Variants in NNT observed in about 807,000 individuals in gnomAD.
NNT encodes the protein NAD(P) transhydrogenase, mitochondrial.
In NNT, 50 loss-of-function variants were observed where a neutral mutation model predicts 104.8. The ratio of observed to expected loss-of-function variants is 0.48; its 90% CI spans 0.38 to 0.60. NNT has a LOEUF of 0.60. Ranked by LOEUF, NNT falls within the 20% of genes least tolerant of loss-of-function variation. The pLI is 0.00. For synonymous variants in NNT, 461 were observed against 490.4 expected, an observed-to-expected ratio of 0.94 and a Z score of 0.79; for missense variants, 1,131 against 1,330.7, an observed-to-expected ratio of 0.85 and a Z score of 2.33.
Position 43,649,177 on chromosome 5 carries a change from C to CGGG in NNT, c.1477_1478insGGG (p.Ala492_Ala493insGly), listed in dbSNP as rs1739617214. The CGGG allele has an allele frequency of 6.2e-7, 1 of 1,614,044 alleles. No homozygotes were observed. Among genetic ancestry groups the CGGG allele is most frequent in the South Asian group, 1.1e-5 (1 of 91,086 alleles). ...ACAGGGATACTGGGTTTGGGCATTG[C>CGGG]GGCTCCCAATCTAGCCTTTTCTCAG... is the stretch of plus-strand genomic sequence containing the variant. On this transcript the variant is annotated inframe_insertion, in exon 11 of 22. Transcript: ENST00000344920.
intron 17 of NNT, among the ~76,000 whole-genome samples, chr5:43,666,573 G>A (rs1242940064): frequency 6.6e-6 from 1 of 151,062 alleles, no homozygotes; most frequent in Non-Finnish European, 1.5e-5. Context: ...GCATCAGGGG[G>A]AGACCGAGCA....
At chr5:43,670,453 A>G (rs1740996494) in intron 17 of NNT, among the ~76,000 whole-genome samples, 1 of 152,114 alleles carries the variant, frequency 6.6e-6, no homozygotes, top group South Asian at 2.1e-4. Flanking sequence ...ACTGCTTTGA[A>G]TGTGTCCCAG....
At chr5:43,625,064 G>A (rs1750291125) in intron 6 of NNT, among the ~76,000 whole-genome samples, 1 of 152,112 alleles carries the variant, frequency 6.6e-6, no homozygotes, top group South Asian at 2.1e-4. Flanking sequence ...AAGTAACCAG[G>A]ACACAAACCA....
At chr5:43,642,442 G>A (rs1180415105) in intron 7 of NNT, among the ~76,000 whole-genome samples, 1 of 152,164 alleles carries the variant, frequency 6.6e-6, no homozygotes, top group East Asian at 1.9e-4. Context: ...ATTACAGTAC[G>A]GAGGGTAGAG....
At chr5:43,672,938 C>T (rs184062744) in intron 17 of NNT, among the ~76,000 whole-genome samples, 62 of 152,312 alleles carry the variant, frequency 4.1e-4, no homozygotes, top group East Asian at 1.2e-3. Flanking sequence ...CCACCCAGTT[C>T]GAGCTTCCCA....
intron 7 of NNT, among the ~76,000 whole-genome samples, chr5:43,643,931 AGATTC>A (rs1751367637): frequency 6.6e-6 from 1 of 152,176 alleles, no homozygotes; most frequent in Admixed American, 6.5e-5. Context: ...AGCAGTGCTG[AGATTC>A]TCATGCTGAG....
At chr5:43,671,618 C>G (rs35131992) in intron 17 of NNT, among the ~76,000 whole-genome samples, 5,138 of 152,300 alleles carry the variant, frequency 0.034, 135 homozygotes, top group East Asian at 0.12. Context: ...GGCCCCCACT[C>G]TCTTCTGGCT....
rs138840848 is a variant in NNT at position 43,692,640 on chromosome 5, C to T, written c.2877-7479C>T. Among the ~76,000 whole-genome samples, 1,042 of 152,134 alleles carry T rather than the reference C, an allele frequency of 6.8e-3. 10 individuals carry two copies. Among genetic ancestry groups the T allele is most frequent in the African/African-American group, 9.4e-3 (390 of 41,492 alleles). On this transcript the variant is annotated intron_variant, in intron 19 of 21. Transcript: ENST00000344920. ...AGCCTGGCCATGCTGATGATTTTTA[C>T]GGTACCAATCTTTATTATGATGATT...
At chr5:43,640,107 G>A (rs977130084) in intron 7 of NNT, among the ~76,000 whole-genome samples, 1 of 151,742 alleles carries the variant, frequency 6.6e-6, no homozygotes, top group Admixed American at 6.6e-5. Context: ...TACCTGATGT[G>A]CTCATTATTA....
intron 3 of NNT, chr5:43,613,482 G>A (rs991511425): frequency 5.5e-6 from 1 of 180,718 alleles, no homozygotes; most frequent in African/African-American, 2.4e-5. Flanking sequence ...TGGAAAGAAG[G>A]TATGGAACTT....
intron 7 of NNT, among the ~76,000 whole-genome samples, chr5:43,632,560 G>A (rs566208341): frequency 2.6e-5 from 4 of 152,264 alleles, no homozygotes; most frequent in Admixed American, 6.5e-5. Flanking sequence ...ATCTTAAACC[G>A]TCATCTCACC....
At chr5:43,666,633 A>ATT in intron 17 of NNT, 56 of 435,966 alleles carry the variant, frequency 1.3e-4, no homozygotes, top group Middle Eastern at 1.3e-3. Flanking sequence ...AGGGAGATCT[A>ATT]TTTTTTTTTT....
intron 17 of NNT, chr5:43,666,783 A>T: frequency 7.7e-7 from 1 of 1,301,120 alleles, no homozygotes; most frequent in South Asian, 1.3e-5. Context: ...AAGGCTTTGT[A>T]GGGGCCTCGG....
intron 13 of NNT, among the ~76,000 whole-genome samples, chr5:43,652,328 A>G (rs1305353336): frequency 6.6e-6 from 1 of 152,218 alleles, no homozygotes; most frequent in Non-Finnish European, 1.5e-5. Flanking sequence ...TATTCATAAA[A>G]AAATCCATAA....
chr5:43,627,653 T>C (rs1332021422), intron 6 of NNT, among the ~76,000 whole-genome samples: 2 of 152,236 alleles, frequency 1.3e-5, no homozygotes, highest in Non-Finnish European at 2.9e-5. Flanking sequence ...AATTTAAATG[T>C]GTTGGCTTTT....
chr5:43,612,389 T>TAG (rs1305269840), intron 2 of NNT, among the ~76,000 whole-genome samples: 1 of 152,244 alleles, frequency 6.6e-6, no homozygotes, highest in Non-Finnish European at 1.5e-5. Context: ...GCTGAGTGTG[T>TAG]AGAGTCTTAA....
chr5:43,667,841 C>G (rs1328687629), intron 17 of NNT, among the ~76,000 whole-genome samples: 2 of 152,214 alleles, frequency 1.3e-5, no homozygotes, highest in Admixed American at 6.5e-5. Context: ...GAGGAATCGC[C>G]ACACTGTCTT....
chr5:43,698,821 T>G (rs1363647794), intron 19 of NNT, among the ~76,000 whole-genome samples: 2 of 151,100 alleles, frequency 1.3e-5, no homozygotes, highest in Non-Finnish European at 3.0e-5. Context: ...TATGCATACA[T>G]ACACATATAT....
chr5:43,684,465 T>C (rs1741879426), intron 19 of NNT, among the ~76,000 whole-genome samples: 1 of 152,188 alleles, frequency 6.6e-6, no homozygotes, highest in Admixed American at 6.5e-5. Context: ...TAGGTGTTTA[T>C]TCCTTTGCCT....
Sources: gnomAD v4.1 joint callset for allele counts (sites outside exome capture counted in the v4.1 genomes callset) on GRCh38, gnomAD v4.1.1 for gene constraint, MANE v1.5 for transcripts, NCBI Gene and HGNC (gene_info 2026-07-23, HGNC 2026-07-21) for gene names.